Variants in FAM209A observed in about 807,000 individuals in gnomAD.
FAM209A encodes the protein protein FAM209A.
In FAM209A, 4 loss-of-function variants were observed where a neutral mutation model predicts 9.8. The ratio of observed to expected loss-of-function variants is 0.41; its 90% confidence interval spans 0.20 to 0.94. The LOEUF (loss-of-function observed/expected upper bound fraction) is 0.94, where lower values mean the gene tolerates loss of function less well. FAM209A is among the 40% of genes least tolerant of loss of function. The probability of loss-of-function intolerance (pLI) is 0.32; values close to 1 mark genes in which losing one functional copy is unlikely to be tolerated. For missense variants in FAM209A, 205 were observed against 209.4 expected (o/e 0.98, Z 0.13); for synonymous variants, 55 against 77.8 (o/e 0.71, Z 1.54).
chr20:56,525,001 TTTG>T lies in FAM209A; in HGVS notation c.201_203del (p.Val68del), dbSNP rs774561475. Reference sequence around the variant, plus strand: ...TGGGAGCAAATGGCTCTGGCTTCTTTTTGTTGTTGTGCCGTTTGTGATACTGCA... The same window carrying T: ...TGGGAGCAAATGGCTCTGGCTTCTTTTTGTTGTGCCGTTTGTGATACTGCA... On this transcript the variant is annotated inframe_deletion, in exon 1 of 2. Transcript: ENST00000371328. The T allele has an allele frequency of 2.2e-5, 35 of 1,614,152 alleles. No individual in the cohort carries two copies. In the South Asian group the frequency reaches 3.1e-4, roughly 14 times the overall value.
downstream of FAM209A, among the ~76,000 whole-genome samples, chr20:56,530,505 A>ATT (rs1002898573): frequency 6.7e-6 from 1 of 150,360 alleles, no homozygotes; most frequent in Non-Finnish European, 1.5e-5. Flanking sequence ...GAATTTATTC[A>ATT]TTTTTTTTTA....
At chr20:56,531,707 C>A in the FAM209A span, among the ~76,000 whole-genome samples, 2 of 152,122 alleles carry the variant, frequency 1.3e-5, no homozygotes, top group African/African-American at 4.8e-5. Flanking sequence ...CTCACTGCAA[C>A]CTCTGCCTCC....
downstream of FAM209A, among the ~76,000 whole-genome samples, chr20:56,529,259 G>A (rs1448149035): frequency 6.6e-6 from 1 of 151,964 alleles, no homozygotes; most frequent in Non-Finnish European, 1.5e-5. Flanking sequence ...GCTCACACCT[G>A]TAATCCCAGC....
At chr20:56,525,534 C>T (rs966610886) in intron 1 of FAM209A, among the ~76,000 whole-genome samples, 1 of 152,046 alleles carries the variant, frequency 6.6e-6, no homozygotes, top group African/African-American at 2.4e-5. Context: ...CTCAAAGTGA[C>T]CACAAACAAC....
At chr20:56,533,326 C>T in the FAM209A span, 1 of 1,613,088 alleles carries the variant, frequency 6.2e-7, no homozygotes, top group Non-Finnish European at 8.5e-7. Flanking sequence ...AACTCCCTTC[C>T]CCATCTCTGC....
At chr20:56,533,563 G>A in the FAM209A span, 8 of 1,614,192 alleles carry the variant, frequency 5.0e-6, no homozygotes, top group Non-Finnish European at 6.8e-6. Context: ...TGATACTGCA[G>A]TGTCAAAGAG....
chr20:56,527,216 T>C (rs1985566399), downstream of FAM209A, among the ~76,000 whole-genome samples: 1 of 152,172 alleles, frequency 6.6e-6, no homozygotes, highest in East Asian at 1.9e-4. Flanking sequence ...GTGTGTTTTT[T>C]TTTTTGGATT....
chr20:56,532,464 C>CTTTCTT, the FAM209A span, among the ~76,000 whole-genome samples: 2 of 134,106 alleles, frequency 1.5e-5, no homozygotes, highest in East Asian at 2.2e-4. Flanking sequence ...ATTTTCTTTT[C>CTTTCTT]TTTCTTTTTC....
downstream of FAM209A, chr20:56,526,188 T>G: frequency 3.5e-6 from 5 of 1,423,812 alleles, no homozygotes; most frequent in South Asian, 7.6e-5. Context: ...TTTCTTTTTT[T>G]CACTAGAAGA....
At chr20:56,530,651 C>A (rs1431083564), downstream of FAM209A, among the ~76,000 whole-genome samples, 1 of 150,364 alleles carries the variant, frequency 6.7e-6, no homozygotes, top group Non-Finnish European at 1.5e-5. Flanking sequence ...CATGCACCAC[C>A]ACACTCAGCT....
At chr20:56,532,086 C>T in the FAM209A span, among the ~76,000 whole-genome samples, 102,201 of 150,444 alleles carry the variant, frequency 0.68, 36,163 homozygotes, top group African/African-American at 0.9. Context: ...GTGATTCTCC[C>T]GTCTCAGCCT....
chr20:56,533,125 C>T, the FAM209A span: 1 of 1,418,772 alleles, frequency 7.0e-7, no homozygotes. Flanking sequence ...CTCTCTCTGA[C>T]TGCCTGCTGG....
downstream of FAM209A, among the ~76,000 whole-genome samples, chr20:56,527,962 C>T (rs1050974282): frequency 1.3e-4 from 20 of 152,168 alleles, no homozygotes; most frequent in African/African-American, 4.8e-4. Flanking sequence ...CAAAAATTAG[C>T]TGGGCATGGT....
chr20:56,526,074 G>T lies in FAM209A; in HGVS notation c.*4G>T, dbSNP rs774883848. 28 of 1,580,276 alleles carry T rather than the reference G, an allele frequency of 1.8e-5. No homozygotes were observed. The highest frequency in any genetic ancestry group is 2.4e-5 in the Non-Finnish European group (28 of 1,163,528). On this transcript the variant is annotated 3_prime_UTR_variant, in exon 2 of 2. Transcript: ENST00000371328. ...GGGAGAAGAAAGCTCTAGCTGAATGGATTTGTGTGTCAGGAGAGAAAAAAG... is the reference window on the plus strand; with the variant it reads ...GGGAGAAGAAAGCTCTAGCTGAATGTATTTGTGTGTCAGGAGAGAAAAAAG...
intron 1 of FAM209A, 118 bp downstream of exon 1, chr20:56,525,175 C>G: frequency 1.4e-6 from 2 of 1,421,442 alleles, no homozygotes; most frequent in Non-Finnish European, 1.9e-6. Flanking sequence ...ACCTCATGGT[C>G]CTGGGCAAAG....
downstream of FAM209A, among the ~76,000 whole-genome samples, chr20:56,530,148 C>T (rs1177911268): frequency 6.6e-6 from 1 of 151,590 alleles, no homozygotes. Context: ...ATCCATCTAC[C>T]CACCCACCCA....
downstream of FAM209A, among the ~76,000 whole-genome samples, chr20:56,530,359 G>T (rs1439107676): frequency 6.6e-6 from 1 of 152,302 alleles, no homozygotes; most frequent in Middle Eastern, 3.4e-3. Flanking sequence ...CGCTGGCAGG[G>T]CAGGTGGGAA....
chr20:56,526,780 G>A (rs555610403), downstream of FAM209A, among the ~76,000 whole-genome samples: 30 of 152,164 alleles, frequency 2.0e-4, no homozygotes, highest in South Asian at 5.6e-3. Flanking sequence ...AAAACAAAAA[G>A]GAGAGGCCCG....
chr20:56,525,495 A>G (rs771057305), intron 1 of FAM209A, among the ~76,000 whole-genome samples: 4 of 152,192 alleles, frequency 2.6e-5, no homozygotes, highest in Non-Finnish European at 5.9e-5. Flanking sequence ...TGCTGAAGAG[A>G]TAAAGATGTA....
Sources: allele counts gnomAD v4.1 joint callset (sites outside exome capture counted in the v4.1 genomes callset), GRCh38; gene constraint gnomAD v4.1.1; transcripts MANE v1.5; gene names NCBI Gene and HGNC (gene_info 2026-07-23, HGNC 2026-07-21).